LRRC40: variants seen among roughly 807,000 people sequenced by gnomAD.
The protein encoded by LRRC40 is leucine-rich repeat-containing protein 40.
LRRC40 carries 76 observed loss-of-function variants against 72.8 expected under a neutral mutation model. The ratio of observed to expected loss-of-function variants is 1.04; its 90% CI spans 0.87 to 1.26. The LOEUF is 1.26. LRRC40 is among the 50% of genes most tolerant of loss of function. LRRC40 has a pLI of 0.00. For synonymous variants in LRRC40, 243 were observed against 254.2 expected (o/e 0.96, Z 0.42); for missense variants, 684 against 698.9 (o/e 0.98, Z 0.24).
chr1:70,168,283 T>G (rs1667930539), intron 9 of LRRC40, among the ~76,000 whole-genome samples: 1 of 152,304 alleles, frequency 6.6e-6, no homozygotes, highest in East Asian at 1.9e-4. Context: ...TACCTTGAGC[T>G]TGGCATGATG....
Position 70,175,937 on chromosome 1 carries a change from G to A in LRRC40, c.850C>T (p.His284Tyr). Residue 284 changes from histidine (H) to tyrosine (Y), a missense_variant, in exon 7 of 15, where the codon CAT becomes TAT. Physicochemically the swap from His to Tyr is moderately conservative, Grantham distance 83 (BLOSUM62 2). Coordinates refer to ENST00000370952, the MANE Select transcript of LRRC40 (RefSeq NM_017768.5). ...ENQIEMLEAE[H>Y]LKHLNSILVL... ...AGAATTGAATTCAGATGTTTAAGAT[G>A]TTCTGCCTCTAACATTTCAATCTGG... 1.9e-6 allele frequency: 3 copies of A among 1,592,520 alleles called. No individual in the cohort carries two copies. The highest frequency in any genetic ancestry group is 1.7e-6 in the Non-Finnish European group (2 of 1,173,448).
chr1:70,152,434 T>G lies in LRRC40; in HGVS notation c.1438A>C (p.Arg480=). The G allele has an allele frequency of 6.8e-7, 1 of 1,471,302 alleles. No homozygotes were observed. The highest frequency in any genetic ancestry group is 9.5e-7 in the Non-Finnish European group (1 of 1,053,704). The allele number at this position is 1,471,302 out of a possible 1,614,324, so 91.1% of individuals were successfully genotyped here. The part of the protein sequence containing the change: ...VLQKLTFLDL[R]NNFLNSLPEE... ...TCAAGCAATAGTATCAATAAATACCTGAGATCTAAAAAAGTCAATTTCTGA... is the reference window on the plus strand; with the variant it reads ...TCAAGCAATAGTATCAATAAATACCGGAGATCTAAAAAAGTCAATTTCTGA... Residue 480 remains arginine, a splice_region_variant and synonymous_variant, in exon 12 of 15, where the codon AGG becomes CGG. Coordinates refer to ENST00000370952, the MANE Select transcript of LRRC40 (RefSeq NM_017768.5).
chr1:70,184,733 G>A, intron 4 of LRRC40, 52 bp downstream of exon 4: 3 of 1,521,620 alleles, frequency 2.0e-6, no homozygotes, highest in Non-Finnish European at 2.7e-6. Flanking sequence ...TCAGCCTGAT[G>A]AAAAATCCCA....
Position 70,175,934 on chromosome 1 carries a change from G to A in LRRC40, c.853C>T (p.Leu285Phe). 6.3e-7 allele frequency: 1 copy of A among 1,596,010 alleles called. No homozygotes were observed. Among genetic ancestry groups the A allele is most frequent in the South Asian group, 1.2e-5 (1 of 86,654 alleles). Residue 285 changes from leucine (L) to phenylalanine (F), a missense_variant, in exon 7 of 15, where the codon CTT (leucine) becomes TTT (phenylalanine). By Grantham distance (22) the Leu-to-Phe change is conservative. Coordinates refer to ENST00000370952, the MANE Select transcript of LRRC40 (RefSeq NM_017768.5). Reference protein sequence around the residue: ...NQIEMLEAEHLKHLNSILVLD... With the variant: ...NQIEMLEAEHFKHLNSILVLD... Reference sequence around the variant, plus strand: ...ACAAGAATTGAATTCAGATGTTTAAGATGTTCTGCCTCTAACATTTCAATC... The same window carrying A: ...ACAAGAATTGAATTCAGATGTTTAAAATGTTCTGCCTCTAACATTTCAATC...
At chr1:70,166,546 A>G (rs1667883240) in intron 9 of LRRC40, among the ~76,000 whole-genome samples, 1 of 152,060 alleles carries the variant, frequency 6.6e-6, no homozygotes, top group Non-Finnish European at 1.5e-5. Flanking sequence ...AATCCTAGCT[A>G]CTTGGAAGGC....
intron 14 of LRRC40, chr1:70,147,851 A>G (rs376393106): frequency 6.6e-6 from 1 of 152,092 alleles, no homozygotes; most frequent in Non-Finnish European, 1.5e-5. Flanking sequence ...CTTTATATTC[A>G]CTTAATAAGC....
chr1:70,178,980 C>T lies in LRRC40; in HGVS notation c.675G>A (p.Leu225=). ...EINRMKRLKH[L]DCNSNLLETI... is the part of the protein sequence containing the mutation. The stretch of plus-strand genomic sequence containing the variant: ...TTTCCAAGAGATTTGAATTACAATC[C>T]AAATGCTTCAACCCTGTAATATATA... Residue 225 remains leucine (L), a synonymous_variant, in exon 6 of 15, where the codon TTG becomes TTA. Transcript: ENST00000370952. The T allele has an allele frequency of 6.3e-7, 1 of 1,593,182 alleles. No individual in the cohort carries two copies. Among genetic ancestry groups the T allele is most frequent in the Non-Finnish European group, 8.6e-7 (1 of 1,167,670 alleles).
chr1:70,181,020 T>G, intron 5 of LRRC40, 66 bp downstream of exon 5: 1 of 1,172,890 alleles, frequency 8.5e-7, no homozygotes, highest in South Asian at 1.6e-5. Flanking sequence ...ATATTAAAAA[T>G]TACTTTCTAA....
intron 1 of LRRC40, among the ~76,000 whole-genome samples, chr1:70,205,025 G>A (rs1014264786): frequency 6.6e-6 from 1 of 152,196 alleles, no homozygotes; most frequent in Non-Finnish European, 1.5e-5. Context: ...TGCCCTTGAA[G>A]ATTACAATAA....
At position 70,205,431 on chromosome 1, in the gene LRRC40, T is replaced by C; in HGVS notation, c.110A>G (p.Lys37Arg). ...VPQGLLKAAR[K>R]SGQLNLSGRN... The stretch of plus-strand genomic sequence containing the variant: ...ACCCGACAGGTTTAACTGGCCGCTC[T>C]TCCTCGCTGCCTTCAACAGCCCTTG... Residue 37 changes from lysine to arginine, a missense_variant, in exon 1 of 15, where the codon AAG becomes AGG. Physicochemically the swap from Lys to Arg is conservative, Grantham distance 26 (BLOSUM62 2). Coordinates refer to ENST00000370952, the MANE Select transcript of LRRC40 (RefSeq NM_017768.5). 6.2e-7 allele frequency: 1 copy of C among 1,603,634 alleles called. No homozygotes were observed. Among genetic ancestry groups the C allele is most frequent in the Non-Finnish European group, 8.5e-7 (1 of 1,171,828 alleles).
chr1:70,162,817 A>G (rs1282664271), intron 9 of LRRC40, among the ~76,000 whole-genome samples: 1 of 152,208 alleles, frequency 6.6e-6, no homozygotes, highest in East Asian at 1.9e-4. Flanking sequence ...AATTGCCCAA[A>G]GACTATTCCT....
At chr1:70,148,935 C>A (rs918229969) in intron 13 of LRRC40, among the ~76,000 whole-genome samples, 1 of 152,104 alleles carries the variant, frequency 6.6e-6, no homozygotes, top group African/African-American at 2.4e-5. Context: ...AGTAAATTCT[C>A]CCAGTAAATT....
Position 70,160,764 on chromosome 1 carries a change from G to A in LRRC40, c.1112-1326C>T, listed in dbSNP as rs939569476. Among the ~76,000 whole-genome samples the A allele has an allele frequency of 2.0e-5, 3 of 152,170 alleles. No individual in the cohort carries two copies. The East Asian group carries it at 5.8e-4, about 29-fold the overall frequency. On this transcript the variant is annotated intron_variant, in intron 9 of 14. Coordinates refer to ENST00000370952, the MANE Select transcript of LRRC40 (RefSeq NM_017768.5). Reference sequence around the variant, plus strand: ...GTCTCTGGGGAGAAGACTGTTGCGAGAGAGATTTCCTTTCATTATATATCT... The same window carrying A: ...GTCTCTGGGGAGAAGACTGTTGCGAAAGAGATTTCCTTTCATTATATATCT...
intron 1 of LRRC40, among the ~76,000 whole-genome samples, chr1:70,200,972 G>A (rs1267926611): frequency 6.6e-6 from 1 of 152,134 alleles, no homozygotes; most frequent in African/African-American, 2.4e-5. Flanking sequence ...AGGGGTTCGA[G>A]ACCAGCTTGG....
chr1:70,189,413 T>C (rs1668444025), intron 1 of LRRC40, 140 bp from the exon 2 acceptor site: 1 of 653,588 alleles, frequency 1.5e-6, no homozygotes, highest in African/African-American at 1.8e-5. Context: ...AAAAATAAGT[T>C]AAATAGCAAT....
chr1:70,205,447 ACAGCCCTTGGGGTACCGAGGTACCG>A lies in LRRC40; in HGVS notation c.69_93del (p.Gly24Ter), dbSNP rs1668923994. On this transcript the variant is annotated frameshift_variant, in exon 1 of 15. Coordinates refer to ENST00000370952, the MANE Select transcript of LRRC40 (RefSeq NM_017768.5). LOFTEE classifies it high-confidence loss of function. Reference sequence around the variant, plus strand: ...TGGCCGCTCTTCCTCGCTGCCTTCAACAGCCCTTGGGGTACCGAGGTACCGCAGTCTCTTCCACCTGCTTTGAAAC... The same window carrying A: ...TGGCCGCTCTTCCTCGCTGCCTTCAACAGTCTCTTCCACCTGCTTTGAAAC... 6 of 1,607,340 alleles carry A rather than the reference ACAGCCCTTGGGGTACCGAGGTACCG, an allele frequency of 3.7e-6. No individual in the cohort carries two copies. The highest frequency in any genetic ancestry group is 5.1e-6 in the Non-Finnish European group (6 of 1,174,650).
rs1045917752 is a variant in LRRC40, at chr1:70,155,896, A to G, written c.1221-100T>C. The stretch of plus-strand genomic sequence containing the variant: ...TAAAGGTGTTTAAAGATTTTATGAA[A>G]TTTTTCAAAGCCATTGATTATAAAA... On this transcript the variant is annotated intron_variant, in intron 10 of 14. Transcript: ENST00000370952. 16 of 488,020 alleles carry G rather than the reference A, an allele frequency of 3.3e-5. No individual in the cohort carries two copies. In the South Asian group the frequency reaches 3.9e-4, roughly 12 times the overall value. The allele number at this position is 488,020 out of a possible 1,614,324, so 30.2% of individuals were successfully genotyped here.
At chr1:70,183,647 A>G (rs956969560) in intron 4 of LRRC40, among the ~76,000 whole-genome samples, 35 of 151,680 alleles carry the variant, frequency 2.3e-4, no homozygotes, top group Non-Finnish European at 4.4e-5. Context: ...AGCCTCCCTG[A>G]CTCAGGCAAC....
rs1432426682 is a variant in LRRC40, at chr1:70,178,909, T to A, written c.746A>T (p.Tyr249Phe). ...LAGMESLELL[Y>F]LRRNKLRFLP... ...AAAACGTAATTTATTCCTCCGCAAATAAAGCAATTCTAGTGATTCCATGCC... is the reference window on the plus strand; with the variant it reads ...AAAACGTAATTTATTCCTCCGCAAAAAAAGCAATTCTAGTGATTCCATGCC... Residue 249 changes from tyrosine (Y) to phenylalanine (F), a missense_variant, in exon 6 of 15, where the codon TAT becomes TTT. Transcript: ENST00000370952. 4 of 1,599,846 alleles carry A rather than the reference T, an allele frequency of 2.5e-6. No homozygotes were observed. The highest frequency in any genetic ancestry group is 2.7e-5 in the African/African-American group (2 of 74,818).
Sources: gnomAD v4.1 joint callset for allele counts (sites outside exome capture counted in the v4.1 genomes callset) on GRCh38, gnomAD v4.1.1 for gene constraint, MANE v1.5 for transcripts, NCBI Gene and HGNC (gene_info 2026-07-23, HGNC 2026-07-21) for gene names.